Variants in OCA2 observed in about 807,000 individuals in gnomAD.
OCA2 encodes the protein OCA2 melanosomal transmembrane protein.
Under a neutral mutation model 100.2 loss-of-function variants are expected in OCA2, and 77 were observed. The ratio of observed to expected loss-of-function variants is 0.77; its 90% CI spans 0.64 to 0.93. OCA2 has a LOEUF of 0.93. OCA2 is among the 40% of genes least tolerant of loss of function. The probability of loss-of-function intolerance (pLI) is 0.00; values close to 1 mark genes in which losing one functional copy is unlikely to be tolerated. For missense variants in OCA2, 1,062 were observed against 1,089.1 expected, an observed-to-expected ratio of 0.98 and a Z score of 0.35; for synonymous variants, 432 against 439.2, an observed-to-expected ratio of 0.98 and a Z score of 0.21.
intron 17 of OCA2, among the ~76,000 whole-genome samples, chr15:27,953,691 G>A (rs1371850292): frequency 6.6e-6 from 1 of 151,910 alleles, no homozygotes; most frequent in African/African-American, 2.4e-5. Context: ...GTTTTTTGGG[G>A]GTATCATTCA....
chr15:27,787,092 T>C (rs938327514), intron 23 of OCA2, among the ~76,000 whole-genome samples: 2 of 152,186 alleles, frequency 1.3e-5, no homozygotes, highest in African/African-American at 4.8e-5. Context: ...TTAGGCTAAC[T>C]GATTTTTGAA....
chr15:27,998,359 A>G (rs2041816562), intron 9 of OCA2, among the ~76,000 whole-genome samples: 1 of 93,382 alleles, frequency 1.1e-5, no homozygotes. Context: ...CAAGAAAAAA[A>G]CAAACAACCC....
At chr15:27,915,310 C>T (rs2140297205) in intron 19 of OCA2, among the ~76,000 whole-genome samples, 1 of 152,240 alleles carries the variant, frequency 6.6e-6, no homozygotes, top group East Asian at 1.9e-4. Context: ...GCAAAGATTT[C>T]ACGACAAAGA....
At chr15:28,021,743 G>A (rs912932383) in intron 6 of OCA2, among the ~76,000 whole-genome samples, 8 of 152,140 alleles carry the variant, frequency 5.3e-5, no homozygotes, top group African/African-American at 1.9e-4. Flanking sequence ...CATTTGCTTG[G>A]GAAGCGCATC....
intron 18 of OCA2, among the ~76,000 whole-genome samples, chr15:27,933,864 C>G (rs944576955): frequency 1.3e-5 from 2 of 152,252 alleles, no homozygotes; most frequent in African/African-American, 2.4e-5. Context: ...CTGGTGCAGC[C>G]TTGTGCTCAG....
chr15:27,983,206 T>C, intron 14 of OCA2, 139 bp downstream of exon 14: 1 of 1,024,420 alleles, frequency 9.8e-7, no homozygotes, highest in Non-Finnish European at 1.5e-6. Context: ...CATCCCAGTC[T>C]TGAGATGCCC....
chr15:27,934,005 C>T (rs1233103111), intron 18 of OCA2, among the ~76,000 whole-genome samples: 1 of 152,030 alleles, frequency 6.6e-6, no homozygotes, highest in Non-Finnish European at 1.5e-5. Flanking sequence ...GTATATATCA[C>T]ATATGGATAT....
chr15:27,870,307 A>G (rs2036495594), intron 21 of OCA2, among the ~76,000 whole-genome samples: 1 of 152,250 alleles, frequency 6.6e-6, no homozygotes, highest in South Asian at 2.1e-4. Context: ...GGGAGTGCTC[A>G]CCAGGCTTCT....
At chr15:27,990,681 G>C in intron 9 of OCA2, 34 bp from the exon 10 acceptor site, 1 of 1,592,046 alleles carries the variant, frequency 6.3e-7, no homozygotes, top group Non-Finnish European at 8.6e-7. Context: ...CCGCGTTCCA[G>C]TGCACGAGGG....
intron 7 of OCA2, among the ~76,000 whole-genome samples, chr15:28,017,773 C>G (rs1455599294): frequency 6.6e-6 from 1 of 152,008 alleles, no homozygotes; most frequent in Non-Finnish European, 1.5e-5. Context: ...AGGGCTACGA[C>G]TTCCATGCAG....
intron 21 of OCA2, among the ~76,000 whole-genome samples, chr15:27,868,368 A>G (rs1160448390): frequency 2.0e-5 from 3 of 152,210 alleles, no homozygotes. Context: ...TATATATGCA[A>G]TGAAAGGTGA....
chr15:27,936,786 C>T (rs1013005730), intron 18 of OCA2, among the ~76,000 whole-genome samples: 5 of 152,088 alleles, frequency 3.3e-5, no homozygotes, highest in African/African-American at 1.2e-4. Context: ...GTAGCTGCAA[C>T]ACCAAAGCTC....
In OCA2 at chr15:27,801,550, CAAAAAAAAAAAAA is replaced by C. The variant is rs34636608; in HGVS notation, c.2432+43396_2432+43408del. 9.8e-4 allele frequency among the ~76,000 whole-genome samples: 37 copies of C among 37,844 alleles called. 1 individual carries two copies. The highest frequency in any genetic ancestry group is 2.7e-3 in the African/African-American group (35 of 12,800). 24.8% of individuals were successfully genotyped at this position (37,844 alleles called of 152,430 possible). The stretch of plus-strand genomic sequence containing the variant: ...CTGGCGACAGAGTGAGACTCGGTCT[CAAAAAAAAAAAAA>C]AAAAAAAAAAAAAGAAGGATAACAA... On this transcript the variant is annotated intron_variant, in intron 23 of 23. Coordinates refer to ENST00000354638, the MANE Select transcript of OCA2 (RefSeq NM_000275.3).
chr15:27,872,258 TA>T (rs142664260), intron 19 of OCA2, among the ~76,000 whole-genome samples: 1,756 of 152,346 alleles, frequency 0.012, 17 homozygotes, highest in Non-Finnish European at 0.017. Context: ...CCACTCCATA[TA>T]GATCTTTCAA....
chr15:27,854,677 G>A (rs1051908585), intron 21 of OCA2, among the ~76,000 whole-genome samples: 1 of 152,174 alleles, frequency 6.6e-6, no homozygotes, highest in Non-Finnish European at 1.5e-5. Context: ...TGATGTCTTC[G>A]TTCTTCGGAG....
intron 19 of OCA2, among the ~76,000 whole-genome samples, chr15:27,901,343 G>A (rs1461425603): frequency 6.6e-6 from 1 of 152,224 alleles, no homozygotes; most frequent in Non-Finnish European, 1.5e-5. Context: ...CCCATCTTCT[G>A]GAATCCAGGT....
intron 1 of OCA2, among the ~76,000 whole-genome samples, chr15:28,084,484 G>C (rs2044740172): frequency 6.6e-6 from 1 of 152,062 alleles, no homozygotes; most frequent in Non-Finnish European, 1.5e-5. Flanking sequence ...CCTGATAAAC[G>C]AGTTTTTTAT....
chr15:27,772,615 G>T lies in OCA2; in HGVS notation c.2433-17143C>A, dbSNP rs1373710459. Among the ~76,000 whole-genome samples, 15 of 151,992 alleles carry T rather than the reference G, an allele frequency of 9.9e-5. No homozygotes were observed. The East Asian group carries it at 2.9e-3, about 29-fold the overall frequency. The stretch of plus-strand genomic sequence containing the variant: ...CCCAGCACTTTGGGAGGCCGAGGTG[G>T]GTAGATCACGAGGTCAAGAGATCAA... On this transcript the variant is annotated intron_variant, in intron 23 of 23. Coordinates refer to ENST00000354638, the MANE Select transcript of OCA2 (RefSeq NM_000275.3).
intron 23 of OCA2, among the ~76,000 whole-genome samples, chr15:27,763,921 A>G (rs1460829643): frequency 6.6e-6 from 1 of 152,172 alleles, no homozygotes; most frequent in Non-Finnish European, 1.5e-5. Context: ...TGATCACCCC[A>G]GGCCAAGGCC....
Sources: gnomAD v4.1 joint callset for allele counts (sites outside exome capture counted in the v4.1 genomes callset) on GRCh38, gnomAD v4.1.1 for gene constraint, MANE v1.5 for transcripts, NCBI Gene and HGNC (gene_info 2026-07-23, HGNC 2026-07-21) for gene names.